Variants in GORAB observed in about 807,000 individuals in gnomAD.
GORAB encodes the protein golgin, RAB6 interacting, also known as RAB6-interacting golgin.
GORAB carries 17 observed loss-of-function variants against 29.9 expected under a neutral mutation model. That is an observed-to-expected ratio of 0.57 (90% CI 0.39 to 0.85). The LOEUF is 0.85. GORAB is among the 40% of genes least tolerant of loss of function. The probability of loss-of-function intolerance (pLI) is 0.00; values close to 1 mark genes in which losing one functional copy is unlikely to be tolerated. For synonymous variants in GORAB, 183 were observed against 157.2 expected, an observed-to-expected ratio of 1.16 and a Z score of -1.23; for missense variants, 442 against 437.8, an observed-to-expected ratio of 1.01 and a Z score of -0.09.
chr1:170,542,120 A>G (rs1366867563), intron 2 of GORAB, among the ~76,000 whole-genome samples: 1 of 152,228 alleles, frequency 6.6e-6, no homozygotes, highest in East Asian at 1.9e-4. Context: ...GACATCAGCT[A>G]CAAACCAATT....
intron 2 of GORAB, among the ~76,000 whole-genome samples, chr1:170,539,939 C>T (rs967379040): frequency 6.6e-6 from 1 of 151,368 alleles, no homozygotes; most frequent in African/African-American, 2.4e-5. Context: ...GCCTTTTACA[C>T]TGAGCAGAAG....
chr1:170,546,637 A>G (rs999302376), intron 4 of GORAB, among the ~76,000 whole-genome samples: 1 of 152,118 alleles, frequency 6.6e-6, no homozygotes, highest in African/African-American at 2.4e-5. Flanking sequence ...TGGTACTAAT[A>G]TTGATGTAGT....
chr1:170,538,840 A>G (rs1649212025), intron 1 of GORAB, among the ~76,000 whole-genome samples: 1 of 152,220 alleles, frequency 6.6e-6, no homozygotes, highest in African/African-American at 2.4e-5. Flanking sequence ...ACCATAAATC[A>G]AATTTAAAAC....
chr1:170,533,751 G>T, intron 1 of GORAB: 1 of 326,204 alleles, frequency 3.1e-6, no homozygotes. Context: ...ATAGAGGATG[G>T]TGAGGACCTG....
rs1441556039 is a variant in GORAB, at chr1:170,532,371, G to A, written c.61+87G>A. ...AGCTTTGGCGGGGAAAGGGGGCGTG[G>A]AAGCGGCTACGTTTGTGTTAGCGGA... On this transcript the variant is annotated intron_variant, in intron 1 of 4. Coordinates refer to ENST00000367763, the MANE Select transcript of GORAB (RefSeq NM_152281.3). 5 of 1,430,628 alleles carry A rather than the reference G, an allele frequency of 3.5e-6. No homozygotes were observed. The East Asian group carries it at 9.1e-5, about 26-fold the overall frequency. The allele number at this position is 1,430,628 out of a possible 1,614,324, so 88.6% of individuals were successfully genotyped here.
At chr1:170,548,643 T>A (rs781550087) in intron 4 of GORAB, among the ~76,000 whole-genome samples, 2 of 152,228 alleles carry the variant, frequency 1.3e-5, no homozygotes, top group Non-Finnish European at 2.9e-5. Flanking sequence ...GACATGATAC[T>A]TTGTACAGCA....
intron 2 of GORAB, among the ~76,000 whole-genome samples, chr1:170,541,631 A>G (rs956351859): frequency 6.6e-6 from 1 of 152,162 alleles, no homozygotes; most frequent in African/African-American, 2.4e-5. Flanking sequence ...CAGTAATAGG[A>G]ATAAATAGCT....
intron 4 of GORAB, among the ~76,000 whole-genome samples, chr1:170,550,355 AG>A (rs1336591204): frequency 1.3e-5 from 2 of 152,188 alleles, no homozygotes; most frequent in African/African-American, 4.8e-5. Context: ...TTTGATACAG[AG>A]TGCAGGTGGT....
chr1:170,552,180 A>G lies in GORAB; in HGVS notation c.828A>G (p.Val276=). Residue 276 remains valine, a synonymous_variant, in exon 5 of 5, where the codon GTA becomes GTG. Transcript: ENST00000367763. ...KLEELMQQLD[V]EADEETLELE... is the part of the protein sequence containing the mutation. Reference sequence around the variant, plus strand: ...AGGAGTTGATGCAACAACTAGATGTAGAAGCCGATGAAGAGACTTTGGAGC... The same window carrying G: ...AGGAGTTGATGCAACAACTAGATGTGGAAGCCGATGAAGAGACTTTGGAGC... 1 of 1,614,166 alleles carries G rather than the reference A, an allele frequency of 6.2e-7. No homozygotes were observed. The highest frequency in any genetic ancestry group is 8.5e-7 in the Non-Finnish European group (1 of 1,180,006).
intron 1 of GORAB, chr1:170,532,602 T>C (rs1346708449): frequency 2.7e-6 from 1 of 369,214 alleles, no homozygotes; most frequent in South Asian, 2.5e-5. Flanking sequence ...TTAGGGAAGA[T>C]TGCTGCAGGA....
At chr1:170,532,426 G>A (rs964571843) in intron 1 of GORAB, 142 bp downstream of exon 1, 103 of 902,682 alleles carry the variant, frequency 1.1e-4, no homozygotes, top group Non-Finnish European at 1.7e-4. Flanking sequence ...ACTGGATTAG[G>A]GGGTTTCAGA....
At chr1:170,534,081 A>G (rs1187968027) in intron 1 of GORAB, among the ~76,000 whole-genome samples, 2 of 152,202 alleles carry the variant, frequency 1.3e-5, no homozygotes, top group African/African-American at 4.8e-5. Context: ...ATTGAGGAAC[A>G]TAGTCAAGAA....
At chr1:170,541,824 C>G (rs1031357297) in intron 2 of GORAB, among the ~76,000 whole-genome samples, 3 of 151,846 alleles carry the variant, frequency 2.0e-5, no homozygotes, top group African/African-American at 7.3e-5. Flanking sequence ...TAAAAATGTC[C>G]AAGTTGGGCT....
Position 170,539,227 on chromosome 1 carries a change from C to T in GORAB, c.79C>T (p.Arg27Ter), listed in dbSNP as rs770355472. 9.3e-6 allele frequency: 15 copies of T among 1,613,934 alleles called. No homozygotes were observed. Among genetic ancestry groups the T allele is most frequent in the Admixed American group, 5.0e-5 (3 of 59,978 alleles). Residue 27 changes from arginine (R) to a stop codon, truncating the protein, a stop_gained, in exon 2 of 5, where the codon CGA becomes TGA. Transcript: ENST00000367763. LOFTEE classifies it high-confidence loss of function. ...TTACATAGATCCATTTGAACCACAGCGACGTCTCCCCGCGAAGAAAAGTCG... is the reference window on the plus strand; with the variant it reads ...TTACATAGATCCATTTGAACCACAGTGACGTCTCCCCGCGAAGAAAAGTCG... ...KQTKDPFEPQ[R>*]RLPAKKSRQQ...
chr1:170,534,638 A>G lies in GORAB; in HGVS notation c.61+2354A>G, dbSNP rs144448431. ...TGCTTTTTCTATGTTTAGATACACA[A>G]ATACCGTTGTTACAGTTGCCTACAG... is the stretch of plus-strand genomic sequence containing the variant. On this transcript the variant is annotated intron_variant, in intron 1 of 4. Transcript: ENST00000367763. Among the ~76,000 whole-genome samples, 1,398 of 152,280 alleles carry G rather than the reference A, an allele frequency of 9.2e-3. 25 individuals carry two copies. Among genetic ancestry groups the G allele is most frequent in the African/African-American group, 0.032 (1,312 of 41,550 alleles).
intron 1 of GORAB, chr1:170,532,691 A>G (rs1190355029): frequency 3.1e-5 from 6 of 196,610 alleles, no homozygotes; most frequent in Non-Finnish European, 6.5e-5. Context: ...ATGAATTTAT[A>G]GAAGCAGATG....
At position 170,539,643 on chromosome 1, in the gene GORAB, T is replaced by C. The variant is rs1649290156; in HGVS notation, c.419+76T>C. ...TTTCCCAATGGGCTTTAAGGAAATA[T>C]AATTTGTTTATTTTAACATTTTCTC... On this transcript the variant is annotated intron_variant, in intron 2 of 4. Coordinates refer to ENST00000367763, the MANE Select transcript of GORAB (RefSeq NM_152281.3). 6 of 1,456,742 alleles carry C rather than the reference T, an allele frequency of 4.1e-6. No individual in the cohort carries two copies. The Admixed American group carries it at 5.8e-5, about 14-fold the overall frequency. The allele number at this position is 1,456,742 out of a possible 1,614,324, so 90.2% of individuals were successfully genotyped here.
chr1:170,540,938 C>T (rs1649376039), intron 2 of GORAB, among the ~76,000 whole-genome samples: 1 of 152,058 alleles, frequency 6.6e-6, no homozygotes, highest in Non-Finnish European at 1.5e-5. Flanking sequence ...CGTGGTGGCC[C>T]ACACCTATAA....
chr1:170,542,374 C>A, intron 2 of GORAB, 117 bp from the exon 3 acceptor site: 1 of 670,048 alleles, frequency 1.5e-6, no homozygotes, highest in South Asian at 1.7e-5. Context: ...AGAACATATA[C>A]ATAAATCTTC....
Sources: gnomAD v4.1 joint callset for allele counts (sites outside exome capture counted in the v4.1 genomes callset) on GRCh38, gnomAD v4.1.1 for gene constraint, MANE v1.5 for transcripts, NCBI Gene and HGNC (gene_info 2026-07-23, HGNC 2026-07-21) for gene names.